Variants in SLC30A8 observed in about 807,000 individuals in gnomAD.
SLC30A8 encodes the protein proton-coupled zinc antiporter SLC30A8.
SLC30A8 carries 27 observed loss-of-function variants against 36.9 expected under a neutral mutation model. The observed-to-expected ratio is 0.73, with a 90% CI of 0.54 to 1.01. The LOEUF (loss-of-function observed/expected upper bound fraction) is 1.01, where lower values mean the gene tolerates loss of function less well. Among genes scored for constraint, SLC30A8 ranks in the 50% least tolerant of loss-of-function variants. The probability of loss-of-function intolerance (pLI) is 0.00; values close to 1 mark genes in which losing one functional copy is unlikely to be tolerated. For missense variants in SLC30A8, 439 were observed against 452.0 expected, an observed-to-expected ratio of 0.97 and a Z score of 0.26; for synonymous variants, 164 against 172.4, an observed-to-expected ratio of 0.95 and a Z score of 0.38.
chr8:117,047,637 C>T (rs1586440089), intron 2 of SLC30A8, among the ~76,000 whole-genome samples: 1 of 152,194 alleles, frequency 6.6e-6, no homozygotes, highest in African/African-American at 2.4e-5. Flanking sequence ...GAGAGTGGAT[C>T]TTCTGGTCAC....
At position 117,172,741 on chromosome 8, in the gene SLC30A8, A is replaced by G. The variant is rs915192194; in HGVS notation, c.*60A>G. 14 of 1,576,894 alleles carry G rather than the reference A, an allele frequency of 8.9e-6. No homozygotes were observed. In the East Asian group the frequency reaches 3.1e-4, roughly 35 times the overall value. ...GCCACCTTCAAACATGCTGCTATGC[A>G]GTTTCTGCATCATAGAAAATAAGGA... On this transcript the variant is annotated 3_prime_UTR_variant, in exon 8 of 8. Transcript: ENST00000456015.
chr8:116,985,438 A>G (rs1815412331), intron 1 of SLC30A8, among the ~76,000 whole-genome samples: 1 of 152,188 alleles, frequency 6.6e-6, no homozygotes, highest in South Asian at 2.1e-4. Context: ...TGCAAGGATA[A>G]TATATATAAC....
intron 1 of SLC30A8, among the ~76,000 whole-genome samples, chr8:116,985,904 G>T (rs1815427489): frequency 6.6e-6 from 1 of 152,112 alleles, no homozygotes; most frequent in Admixed American, 6.6e-5. Flanking sequence ...TTTTTATCCT[G>T]TAAAATTAAA....
At chr8:117,128,285 C>T (rs997405503) in intron 2 of SLC30A8, among the ~76,000 whole-genome samples, 3 of 152,066 alleles carry the variant, frequency 2.0e-5, no homozygotes, top group Non-Finnish European at 2.9e-5. Context: ...CACATCTTCC[C>T]AGTCCAGGAG....
rs549994845 is a variant in SLC30A8, at chr8:117,129,105, T to C, written c.-225-6175T>C. Among the ~76,000 whole-genome samples the C allele has an allele frequency of 5.3e-5, 8 of 152,174 alleles. No individual in the cohort carries two copies. In the South Asian group the frequency reaches 1.7e-3, roughly 31 times the overall value. On this transcript the variant is annotated intron_variant, in intron 2 of 10. Transcript: ENST00000427715. ...AATACACTGTTGGGTGGCAATTAGA[T>C]AATCACATCTACCCAGCAAGGAGTT... is the stretch of plus-strand genomic sequence containing the variant.
chr8:116,967,021 C>T (rs2130607141), intron 1 of SLC30A8, among the ~76,000 whole-genome samples: 1 of 152,264 alleles, frequency 6.6e-6, no homozygotes, highest in South Asian at 2.1e-4. Context: ...TTTTCAGCTG[C>T]TTCTTTTAAA....
At chr8:117,163,797 CAA>C (rs1822915798) in intron 6 of SLC30A8, among the ~76,000 whole-genome samples, 1 of 151,852 alleles carries the variant, frequency 6.6e-6, no homozygotes, top group Non-Finnish European at 1.5e-5. Flanking sequence ...GGAGATACTA[CAA>C]AAATATAAAT....
chr8:116,954,660 G>A (rs188410143), intron 1 of SLC30A8, among the ~76,000 whole-genome samples: 25 of 152,306 alleles, frequency 1.6e-4, no homozygotes, highest in Admixed American at 1.5e-3. Context: ...CAGGAGATGC[G>A]AAAATGAAAA....
At chr8:116,972,080 C>A (rs142542631) in intron 1 of SLC30A8, among the ~76,000 whole-genome samples, 2 of 152,128 alleles carry the variant, frequency 1.3e-5, no homozygotes, top group African/African-American at 4.8e-5. Context: ...ACTATAAAAG[C>A]CCTACCAAGT....
chr8:117,035,893 G>A (rs1817199184), intron 1 of SLC30A8, among the ~76,000 whole-genome samples: 1 of 152,214 alleles, frequency 6.6e-6, no homozygotes, highest in East Asian at 1.9e-4. Context: ...AGCTGGAGCA[G>A]CTTGGACTCA....
intron 1 of SLC30A8, among the ~76,000 whole-genome samples, chr8:117,146,252 T>C (rs987338571): frequency 2.0e-5 from 3 of 152,198 alleles, no homozygotes; most frequent in Non-Finnish European, 4.4e-5. Flanking sequence ...ATATTTATTA[T>C]GCATCAATAA....
intron 3 of SLC30A8, among the ~76,000 whole-genome samples, chr8:117,155,103 A>G (rs947111014): frequency 1.1e-4 from 16 of 152,174 alleles, no homozygotes; most frequent in Non-Finnish European, 2.1e-4. Context: ...GGCCAGCCCA[A>G]TGAGCCCAGC....
At chr8:116,970,936 A>C (rs1437373716) in intron 1 of SLC30A8, among the ~76,000 whole-genome samples, 1 of 152,142 alleles carries the variant, frequency 6.6e-6, no homozygotes, top group Non-Finnish European at 1.5e-5. Flanking sequence ...CTCTACTAAA[A>C]ACACAAAAGT....
At chr8:117,163,560 G>C in intron 6 of SLC30A8, 30 bp downstream of exon 6, 1 of 1,518,988 alleles carries the variant, frequency 6.6e-7, no homozygotes, top group Non-Finnish European at 9.1e-7. Flanking sequence ...TACTCCCAGA[G>C]TCAGTGTTTT....
At chr8:117,005,082 T>TG (rs2130693340) in intron 1 of SLC30A8, among the ~76,000 whole-genome samples, 1 of 152,274 alleles carries the variant, frequency 6.6e-6, no homozygotes, top group Non-Finnish European at 1.5e-5. Context: ...TGTGTAACCG[T>TG]TACCACAGTT....
chr8:117,116,868 C>T (rs1586543290), intron 2 of SLC30A8, among the ~76,000 whole-genome samples: 1 of 151,928 alleles, frequency 6.6e-6, no homozygotes, highest in Non-Finnish European at 1.5e-5. Flanking sequence ...TGAGTGAATG[C>T]AAGTATGAGT....
intron 1 of SLC30A8, among the ~76,000 whole-genome samples, chr8:116,981,801 T>A (rs1328929710): frequency 5.9e-5 from 9 of 152,246 alleles, no homozygotes; most frequent in African/African-American, 2.2e-4. Flanking sequence ...CTACATATTT[T>A]AAATCCAGTC....
At chr8:117,021,109 AAC>A (rs1816683048) in intron 1 of SLC30A8, among the ~76,000 whole-genome samples, 1 of 152,146 alleles carries the variant, frequency 6.6e-6, no homozygotes, top group Non-Finnish European at 1.5e-5. Flanking sequence ...CATATTTTTA[AAC>A]AGTTACCTTT....
chr8:117,065,349 C>T (rs937494396), intron 2 of SLC30A8, among the ~76,000 whole-genome samples: 1 of 151,938 alleles, frequency 6.6e-6, no homozygotes, highest in Admixed American at 6.6e-5. Context: ...ATAATAAATT[C>T]CTTATTTAGA....
Sources: allele counts gnomAD v4.1 joint callset (sites outside exome capture counted in the v4.1 genomes callset), GRCh38; gene constraint gnomAD v4.1.1; transcripts MANE v1.5; gene names NCBI Gene and HGNC (gene_info 2026-07-23, HGNC 2026-07-21).